SNX16: variants seen among roughly 807,000 people sequenced by gnomAD.
The protein encoded by SNX16 is sorting nexin-16.
Under a neutral mutation model 36.7 loss-of-function variants are expected in SNX16, and 35 were observed. The ratio of observed to expected loss-of-function variants is 0.95; its 90% CI spans 0.73 to 1.27. The LOEUF is 1.27. SNX16 is among the 50% of genes most tolerant of loss of function. SNX16 has a pLI of 0.00. For synonymous variants in SNX16, 134 were observed against 132.0 expected, an observed-to-expected ratio of 1.02 and a Z score of -0.10; for missense variants, 367 against 393.6, an observed-to-expected ratio of 0.93 and a Z score of 0.57.
At chr8:81,840,921 C>A (rs1405958867) in intron 1 of SNX16, among the ~76,000 whole-genome samples, 2 of 151,320 alleles carry the variant, frequency 1.3e-5, no homozygotes, top group African/African-American at 4.8e-5. Context: ...GAAACTGTAA[C>A]AACTACAGAC....
At chr8:81,813,885 C>T (rs1205034255) in intron 5 of SNX16, among the ~76,000 whole-genome samples, 7 of 150,662 alleles carry the variant, frequency 4.6e-5, no homozygotes, top group Non-Finnish European at 1.0e-4. Context: ...CACTACCTAT[C>T]CAAGAGAATG....
chr8:81,828,261 T>C (rs1420211286), intron 3 of SNX16, among the ~76,000 whole-genome samples: 1 of 152,184 alleles, frequency 6.6e-6, no homozygotes, highest in Non-Finnish European at 1.5e-5. Flanking sequence ...TGTTAAATTA[T>C]GCAAAACTTT....
chr8:81,802,027 A>T (rs1809720705), intron 7 of SNX16, among the ~76,000 whole-genome samples: 1 of 151,660 alleles, frequency 6.6e-6, no homozygotes, highest in African/African-American at 2.4e-5. Flanking sequence ...ATATTATAGT[A>T]GCCTACTTTT....
chr8:81,804,153 A>C (rs1809833106), intron 5 of SNX16, among the ~76,000 whole-genome samples: 1 of 151,958 alleles, frequency 6.6e-6, no homozygotes, highest in Non-Finnish European at 1.5e-5. Flanking sequence ...AATAACTATC[A>C]AGGTAGAATT....
At chr8:81,802,233 T>C (rs926357914) in intron 7 of SNX16, 147 bp downstream of exon 7, 3 of 523,650 alleles carry the variant, frequency 5.7e-6, no homozygotes, top group Non-Finnish European at 9.0e-6. Context: ...AGGAAAAGCC[T>C]AAAATATTTC....
intron 5 of SNX16, chr8:81,807,665 A>G: frequency 2.0e-6 from 1 of 502,418 alleles, no homozygotes. Flanking sequence ...CTGGTCATCC[A>G]TACAGAAAAA....
In SNX16 at chr8:81,839,656, T is replaced by A; in HGVS notation, c.331A>T (p.Thr111Ser). 1 of 1,613,820 alleles carries A rather than the reference T, an allele frequency of 6.2e-7. No homozygotes were observed. The highest frequency in any genetic ancestry group is 1.1e-5 in the South Asian group (1 of 91,080). ...TCCATCACTTCATAACCCAGTATAGTAGGTGTAGATGGTCTATCTTCCCAA... is the reference window on the plus strand; with the variant it reads ...TCCATCACTTCATAACCCAGTATAGAAGGTGTAGATGGTCTATCTTCCCAA... Reference protein sequence around the residue: ...VNWEDRPSTPTILGYEVMEER... With the variant: ...VNWEDRPSTPSILGYEVMEER... The change falls in exon 2 of 8, where the codon ACT (threonine) becomes TCT (serine). Residue 111 changes from threonine (T) to serine (S), a missense_variant. Coordinates refer to ENST00000345957, the MANE Select transcript of SNX16 (RefSeq NM_152836.3).
At position 81,806,971 on chromosome 8, in the gene SNX16, G is replaced by C. The variant is rs1809982540; in HGVS notation, c.682-3743C>G. On this transcript the variant is annotated intron_variant, in intron 5 of 7. Coordinates refer to ENST00000345957, the MANE Select transcript of SNX16 (RefSeq NM_152836.3). The stretch of plus-strand genomic sequence containing the variant: ...GAACTTAAAAAAAAACCCTCCATAT[G>C]CAAAGATCTATTAATAGGAAGATTC... Among the ~76,000 whole-genome samples the C allele has an allele frequency of 2.6e-5, 4 of 151,464 alleles. No individual in the cohort carries two copies. The South Asian group carries it at 8.3e-4, about 32-fold the overall frequency.
intron 6 of SNX16, 72 bp downstream of exon 6, chr8:81,803,020 T>C (rs1235627292): frequency 1.6e-6 from 2 of 1,284,730 alleles, no homozygotes; most frequent in Non-Finnish European, 2.0e-6. Flanking sequence ...CATATTAAAA[T>C]ATAAAGGGCA....
intron 2 of SNX16, among the ~76,000 whole-genome samples, chr8:81,831,651 T>G (rs1328547700): frequency 7.5e-6 from 1 of 132,900 alleles, no homozygotes; most frequent in Non-Finnish European, 1.5e-5. Context: ...TGAGCCAAGA[T>G]CACACCACTG....
At chr8:81,826,898 G>T (rs1389056105) in intron 3 of SNX16, among the ~76,000 whole-genome samples, 1 of 152,030 alleles carries the variant, frequency 6.6e-6, no homozygotes, top group African/African-American at 2.4e-5. Flanking sequence ...CAAATTCCTA[G>T]CACAATGCTG....
chr8:81,825,170 G>A (rs1415387067), intron 3 of SNX16, among the ~76,000 whole-genome samples: 1 of 152,136 alleles, frequency 6.6e-6, no homozygotes, highest in Non-Finnish European at 1.5e-5. Context: ...GACCATCCAG[G>A]TTCAAGGGGA....
At chr8:81,831,078 C>A (rs1017298468) in intron 2 of SNX16, among the ~76,000 whole-genome samples, 7 of 152,108 alleles carry the variant, frequency 4.6e-5, no homozygotes, top group African/African-American at 1.7e-4. Flanking sequence ...AAAAATGAAA[C>A]TGGAGCTCTA....
At chr8:81,824,012 G>A (rs1253416381) in intron 3 of SNX16, 72 bp from the exon 4 acceptor site, 1 of 1,317,048 alleles carries the variant, frequency 7.6e-7, no homozygotes, top group Non-Finnish European at 1.0e-6. Context: ...CTATCCTGTT[G>A]ACTACATGAA....
At chr8:81,812,116 T>G (rs1370286326) in intron 5 of SNX16, among the ~76,000 whole-genome samples, 2 of 151,944 alleles carry the variant, frequency 1.3e-5, no homozygotes, top group East Asian at 3.9e-4. Flanking sequence ...AAATTTTCAA[T>G]CTGAAGATCA....
intron 4 of SNX16, among the ~76,000 whole-genome samples, chr8:81,821,147 C>A (rs1810724227): frequency 6.7e-6 from 1 of 150,196 alleles, no homozygotes. Context: ...TTTCTTAGAA[C>A]CTTTAATCCT....
chr8:81,810,470 ATATATC>A (rs1585983523), intron 5 of SNX16, among the ~76,000 whole-genome samples: 1 of 152,230 alleles, frequency 6.6e-6, no homozygotes, highest in African/African-American at 2.4e-5. Flanking sequence ...CAAAAGAGAT[ATATATC>A]TCATTAGGTT....
chr8:81,811,745 T>C (rs536983666), intron 5 of SNX16, among the ~76,000 whole-genome samples: 117 of 152,172 alleles, frequency 7.7e-4, no homozygotes, highest in Non-Finnish European at 1.2e-3. Flanking sequence ...CTAAAATATC[T>C]TGTATTCAAA....
At chr8:81,827,412 T>C (rs1313668155) in intron 3 of SNX16, among the ~76,000 whole-genome samples, 2 of 152,168 alleles carry the variant, frequency 1.3e-5, no homozygotes, top group Non-Finnish European at 2.9e-5. Context: ...AAACTAAGTA[T>C]TCCACTTAAC....
Sources: gnomAD v4.1 joint callset for allele counts (sites outside exome capture counted in the v4.1 genomes callset) on GRCh38, gnomAD v4.1.1 for gene constraint, MANE v1.5 for transcripts, NCBI Gene and HGNC (gene_info 2026-07-23, HGNC 2026-07-21) for gene names.